FANCL: variants seen among roughly 807,000 people sequenced by gnomAD.
The protein encoded by FANCL is E3 ubiquitin-protein ligase FANCL.
Under a neutral mutation model 59.4 loss-of-function variants are expected in FANCL, and 69 were observed. That is an observed-to-expected ratio of 1.16 (90% CI 0.96 to 1.42). FANCL has a LOEUF of 1.42. Among genes scored for constraint, FANCL ranks in the 40% most tolerant of loss-of-function variants. FANCL has a pLI of 0.00. For synonymous variants in FANCL, 180 were observed against 147.1 expected (o/e 1.22, Z -1.62); for missense variants, 519 against 447.2 (o/e 1.16, Z -1.45).
chr2:58,179,050 G>T (rs533908333), intron 7 of FANCL, among the ~76,000 whole-genome samples: 99 of 152,196 alleles, frequency 6.5e-4, no homozygotes, highest in African/African-American at 2.3e-3. Flanking sequence ...TCTTGAAGGA[G>T]AACTACAAAC....
At chr2:58,214,980 C>T (rs889325551) in intron 5 of FANCL, among the ~76,000 whole-genome samples, 2 of 152,184 alleles carry the variant, frequency 1.3e-5, no homozygotes, top group South Asian at 2.1e-4. Context: ...CATGTCAGAT[C>T]CACTGAGGTA....
At position 58,166,651 on chromosome 2, in the gene FANCL, T is replaced by A. The variant is rs372896363; in HGVS notation, c.541-777A>T. Reference sequence around the variant, plus strand: ...TTGATACAAAATCAAAACAGTTTAATAAGAAGGATTTGTTTCAAGTACACA... The same window carrying A: ...TTGATACAAAATCAAAACAGTTTAAAAAGAAGGATTTGTTTCAAGTACACA... On this transcript the variant is annotated intron_variant, in intron 7 of 13. Coordinates refer to ENST00000233741, the MANE Select transcript of FANCL (RefSeq NM_018062.4). 7.2e-5 allele frequency among the ~76,000 whole-genome samples: 11 copies of A among 152,200 alleles called. No individual in the cohort carries two copies. In the East Asian group the frequency reaches 1.9e-3, roughly 27 times the overall value.
chr2:58,199,526 T>C (rs1050134297), intron 6 of FANCL, among the ~76,000 whole-genome samples: 4 of 151,992 alleles, frequency 2.6e-5, no homozygotes, highest in African/African-American at 7.2e-5. Context: ...TAAGAAAAAA[T>C]AAAACAGTTT....
Position 58,171,221 on chromosome 2 carries a change from C to T in FANCL, c.541-5347G>A, listed in dbSNP as rs574599026. ...TTAGAACTCAGGATTAAGAAACTCACTCAAAACTGCACAACTACATAGAAA... is the reference window on the plus strand; with the variant it reads ...TTAGAACTCAGGATTAAGAAACTCATTCAAAACTGCACAACTACATAGAAA... On this transcript the variant is annotated intron_variant, in intron 7 of 13. Coordinates refer to ENST00000233741, the MANE Select transcript of FANCL (RefSeq NM_018062.4). Among the ~76,000 whole-genome samples, 12 of 152,322 alleles carry T rather than the reference C, an allele frequency of 7.9e-5. No homozygotes were observed. In the South Asian group the frequency reaches 2.5e-3, roughly 32 times the overall value.
intron 7 of FANCL, among the ~76,000 whole-genome samples, chr2:58,174,359 C>T (rs1268460065): frequency 2.0e-5 from 3 of 152,146 alleles, no homozygotes; most frequent in Non-Finnish European, 4.4e-5. Context: ...CACACCACAC[C>T]TGTTCCAAAA....
intron 7 of FANCL, among the ~76,000 whole-genome samples, chr2:58,176,967 A>G (rs903293363): frequency 8.5e-5 from 13 of 152,284 alleles, no homozygotes; most frequent in South Asian, 6.2e-4. Context: ...AAAAGTGGGC[A>G]AAGGACATGA....
intron 3 of FANCL, 84 bp from the exon 4 acceptor site, chr2:58,226,868 G>T: frequency 8.7e-7 from 1 of 1,151,130 alleles, no homozygotes; most frequent in South Asian, 1.3e-5. Flanking sequence ...AGGCCCAAGT[G>T]AATGTGAAAA....
intron 7 of FANCL, among the ~76,000 whole-genome samples, chr2:58,172,505 C>A (rs1686757441): frequency 6.6e-6 from 1 of 152,166 alleles, no homozygotes; most frequent in Non-Finnish European, 1.5e-5. Context: ...CTGGAGTGGA[C>A]CTCTAGCAAA....
intron 5 of FANCL, among the ~76,000 whole-genome samples, chr2:58,221,442 A>C (rs1348977681): frequency 1.3e-5 from 2 of 152,188 alleles, no homozygotes; most frequent in South Asian, 2.1e-4. Context: ...GTTTTAAAAA[A>C]AAAATCATTT....
At chr2:58,229,697 C>G in intron 3 of FANCL, 117 bp downstream of exon 3, 1 of 781,438 alleles carries the variant, frequency 1.3e-6, no homozygotes, top group Non-Finnish European at 2.2e-6. Flanking sequence ...ACCTACAAAA[C>G]TTAACAACTA....
At chr2:58,224,988 C>T (rs1333292848) in intron 4 of FANCL, among the ~76,000 whole-genome samples, 1 of 151,838 alleles carries the variant, frequency 6.6e-6, no homozygotes. Flanking sequence ...CTATTTCCCA[C>T]AAAGAAATCA....
chr2:58,236,336 A>G (rs1694019682), intron 1 of FANCL, among the ~76,000 whole-genome samples: 1 of 152,036 alleles, frequency 6.6e-6, no homozygotes, highest in South Asian at 2.1e-4. Flanking sequence ...ACATCTTTAC[A>G]GTATCAAAAG....
At chr2:58,182,960 C>A (rs778042020) in intron 7 of FANCL, among the ~76,000 whole-genome samples, 1 of 151,668 alleles carries the variant, frequency 6.6e-6, no homozygotes, top group African/African-American at 2.4e-5. Context: ...ATTTGTAATA[C>A]GGAAATAGTG....
intron 7 of FANCL, among the ~76,000 whole-genome samples, chr2:58,167,161 G>A (rs867768336): frequency 6.6e-6 from 1 of 152,160 alleles, no homozygotes; most frequent in Non-Finnish European, 1.5e-5. Flanking sequence ...GCAGTGGGCC[G>A]AGATCGCGCC....
intron 7 of FANCL, among the ~76,000 whole-genome samples, chr2:58,174,400 T>C (rs1391545580): frequency 1.3e-5 from 2 of 152,136 alleles, no homozygotes; most frequent in African/African-American, 2.4e-5. Context: ...AAAGCTCTCC[T>C]CAGCAAATGT....
chr2:58,223,917 G>T (rs1335654403), intron 4 of FANCL, among the ~76,000 whole-genome samples: 1 of 151,760 alleles, frequency 6.6e-6, no homozygotes, highest in Non-Finnish European at 1.5e-5. Context: ...TATAGTATAG[G>T]AACCCTATTA....
chr2:58,239,450 T>G (rs1694314801), intron 1 of FANCL, among the ~76,000 whole-genome samples: 1 of 152,274 alleles, frequency 6.6e-6, no homozygotes, highest in East Asian at 1.9e-4. Flanking sequence ...TTTAAAAATG[T>G]CTAGCTTATA....
In FANCL at chr2:58,159,535, G is replaced by C. The variant is rs758190931; in HGVS notation, c.*230C>G. On this transcript the variant is annotated 3_prime_UTR_variant, in exon 14 of 14. Transcript: ENST00000233741. ...ATCTTGGTATAAATACACTTCCACAGTCAGCACGGGGATCACAGACTTAGA... is the reference window on the plus strand; with the variant it reads ...ATCTTGGTATAAATACACTTCCACACTCAGCACGGGGATCACAGACTTAGA... 5 of 1,613,742 alleles carry C rather than the reference G, an allele frequency of 3.1e-6. No individual in the cohort carries two copies. Among genetic ancestry groups the C allele is most frequent in the Admixed American group, 1.7e-5 (1 of 59,972 alleles).
chr2:58,215,509 A>G (rs887944398), intron 5 of FANCL, among the ~76,000 whole-genome samples: 9 of 152,056 alleles, frequency 5.9e-5, no homozygotes, highest in African/African-American at 1.9e-4. Flanking sequence ...AAAATGGGGG[A>G]AAAAAATTGA....
Sources: allele counts gnomAD v4.1 joint callset (sites outside exome capture counted in the v4.1 genomes callset), GRCh38; gene constraint gnomAD v4.1.1; transcripts MANE v1.5; gene names NCBI Gene and HGNC (gene_info 2026-07-23, HGNC 2026-07-21).